ACOT8: variants seen among roughly 807,000 people sequenced by gnomAD.
ACOT8 encodes the protein acyl-coenzyme A thioesterase 8.
ACOT8 carries 31 observed loss-of-function variants against 38.4 expected under a neutral mutation model. That is an observed-to-expected ratio of 0.81 (90% CI 0.61 to 1.09). The LOEUF is 1.09. Among genes scored for constraint, ACOT8 ranks in the 50% least tolerant of loss-of-function variants. The probability of loss-of-function intolerance (pLI) is 0.00; values close to 1 mark genes in which losing one functional copy is unlikely to be tolerated. For synonymous variants in ACOT8, 158 were observed against 170.3 expected, an observed-to-expected ratio of 0.93 and a Z score of 0.56; for missense variants, 373 against 421.8, an observed-to-expected ratio of 0.88 and a Z score of 1.01.
rs879163451 is a variant in ACOT8 at position 45,855,373 on chromosome 20, T to C, written c.129-81A>G. ...CCCTCACTAAGACTCTAATGCATGA[T>C]CTCTTCACCATATTGGGGTTTAAGA... On this transcript the variant is annotated intron_variant, in intron 1 of 5. Transcript: ENST00000217455. 222 of 1,539,666 alleles carry C rather than the reference T, an allele frequency of 1.4e-4. 1 individual carries two copies. In the South Asian group the frequency reaches 2.2e-3, roughly 15 times the overall value.
At chr20:45,843,308 G>A (rs1984393467) in intron 5 of ACOT8, 4 of 747,910 alleles carry the variant, frequency 5.3e-6, no homozygotes, top group Non-Finnish European at 6.9e-6. Flanking sequence ...CTGGGAGAAG[G>A]TGAATCACAT....
At chr20:45,842,680 T>C (rs899257838) in intron 5 of ACOT8, 1 of 989,268 alleles carries the variant, frequency 1.0e-6, no homozygotes. Flanking sequence ...AGTAGCCAAA[T>C]GAAGCAGTTA....
At chr20:45,848,321 C>T in intron 3 of ACOT8, 129 bp downstream of exon 3, 1 of 856,626 alleles carries the variant, frequency 1.2e-6, no homozygotes. Context: ...ATATTATTCA[C>T]TCCAGTATCT....
intron 2 of ACOT8, 74 bp downstream of exon 2, chr20:45,855,085 G>T: frequency 6.3e-7 from 1 of 1,578,864 alleles, no homozygotes; most frequent in South Asian, 1.2e-5. Context: ...CTTCCCTTTT[G>T]ACCTCAGCCC....
intron 2 of ACOT8, chr20:45,853,822 C>T (rs958180774): frequency 2.4e-5 from 22 of 901,008 alleles, no homozygotes; most frequent in Admixed American, 2.1e-4. Flanking sequence ...GTAAGAGACA[C>T]GGGACAGTAT....
At chr20:45,851,933 A>G (rs1286703650) in intron 2 of ACOT8, among the ~76,000 whole-genome samples, 1 of 152,190 alleles carries the variant, frequency 6.6e-6, no homozygotes, top group Non-Finnish European at 1.5e-5. Flanking sequence ...GCCAAGGACC[A>G]ACCCTCCCCC....
In ACOT8 at chr20:45,844,344, G is replaced by C. The variant is rs1320831600; in HGVS notation, c.565C>G (p.Pro189Ala). 2.5e-6 allele frequency: 4 copies of C among 1,614,210 alleles called. No individual in the cohort carries two copies. In the East Asian group the frequency reaches 6.7e-5, roughly 27 times the overall value. Residue 189 changes from proline to alanine, a missense_variant, in exon 4 of 6, where the codon CCA becomes GCA. Transcript: ENST00000217455. ...AAQEVPIEIK[P>A]VNPSPLSQLQ... ...TGGCTCAGGGGGGATGGGTTTACTG[G>C]CTTGATCTCAATGGGGACCTCCTGA...
intron 2 of ACOT8, chr20:45,853,440 A>C (rs1985190396): frequency 6.5e-6 from 1 of 154,136 alleles, no homozygotes; most frequent in Admixed American, 6.5e-5. Flanking sequence ...TGCAAATTTT[A>C]ATTATTCCCA....
intron 5 of ACOT8, 182 bp downstream of exon 5, chr20:45,843,345 C>G (rs1220279311): frequency 2.4e-6 from 2 of 846,414 alleles, no homozygotes; most frequent in Admixed American, 4.0e-5. Context: ...AAATTTAGAG[C>G]AGAGCAGGTG....
At position 45,841,883 on chromosome 20, in the gene ACOT8, C is replaced by T; in HGVS notation, c.915G>A (p.Glu305=). Residue 305 remains glutamate (E), a synonymous_variant, in exon 6 of 6, where the codon GAG becomes GAA. Coordinates refer to ENST00000217455, the MANE Select transcript of ACOT8 (RefSeq NM_005469.4). ...CCTGGGGCTTCACTCGGATCACGCC[C>T]TCCTGGGCACAGGTCACAGCTAGGA... The part of the protein sequence containing the change: ...DGVLAVTCAQ[E]GVIRVKPQVS... 6.2e-7 allele frequency: 1 copy of T among 1,611,178 alleles called. No individual in the cohort carries two copies. The highest frequency in any genetic ancestry group is 8.5e-7 in the Non-Finnish European group (1 of 1,179,312).
At chr20:45,856,360 GAGAAGCCTTGGAGGTCAAAGCTGTT>G (rs1210168826) in intron 1 of ACOT8, among the ~76,000 whole-genome samples, 37 of 152,316 alleles carry the variant, frequency 2.4e-4, no homozygotes, top group Admixed American at 2.2e-3. Flanking sequence ...GTAAAGCCAG[GAGAAGCCTTGGAGGTCAAAGCTGTT>G]AGAAGCCTTG....
At chr20:45,855,024 C>T in intron 2 of ACOT8, 135 bp downstream of exon 2, 2 of 1,265,256 alleles carry the variant, frequency 1.6e-6, no homozygotes, top group Non-Finnish European at 2.2e-6. Context: ...CTAGACACCT[C>T]TTAGGGTGGT....
intron 5 of ACOT8, chr20:45,843,074 GGACCTTATCCAA>G: frequency 8.6e-7 from 1 of 1,157,086 alleles, no homozygotes; most frequent in Non-Finnish European, 1.1e-6. Flanking sequence ...ACAGTTTCCT[GGACCTTATCCAA>G]GACCTACTGA....
intron 3 of ACOT8, among the ~76,000 whole-genome samples, chr20:45,846,314 T>C (rs34685435): frequency 0.031 from 4,654 of 152,336 alleles, 201 homozygotes; most frequent in Admixed American, 0.13. Flanking sequence ...GTGATATAAC[T>C]ACAATTCACT....
intron 3 of ACOT8, among the ~76,000 whole-genome samples, chr20:45,846,229 A>G (rs1984677153): frequency 6.6e-6 from 1 of 152,190 alleles, no homozygotes; most frequent in Admixed American, 6.5e-5. Flanking sequence ...TCCTTTAACA[A>G]TGTCTTCCTT....
chr20:45,848,370 C>G (rs577608363), intron 3 of ACOT8, 80 bp downstream of exon 3: 76 of 1,240,846 alleles, frequency 6.1e-5, no homozygotes, highest in Non-Finnish European at 8.3e-5. Flanking sequence ...TGGTCAAGAC[C>G]CACTAAAGGA....
At chr20:45,853,232 G>T (rs6124749) in intron 2 of ACOT8, among the ~76,000 whole-genome samples, 1 of 152,042 alleles carries the variant, frequency 6.6e-6, no homozygotes, top group Non-Finnish European at 1.5e-5. Context: ...AAGCAAAGAA[G>T]CAGGAAAGAG....
intron 2 of ACOT8, among the ~76,000 whole-genome samples, chr20:45,854,864 G>A (rs1446752063): frequency 1.3e-5 from 2 of 152,174 alleles, no homozygotes; most frequent in African/African-American, 2.4e-5. Flanking sequence ...TCCGCACCAG[G>A]AGCTATGTTA....
At chr20:45,843,785 A>G (rs766256775) in intron 4 of ACOT8, 64 bp from the exon 5 acceptor site, 3 of 1,580,144 alleles carry the variant, frequency 1.9e-6, no homozygotes, top group African/African-American at 1.3e-5. Context: ...GCACGGAGGT[A>G]GGGGGAAAAG....
Sources: allele counts gnomAD v4.1 joint callset (sites outside exome capture counted in the v4.1 genomes callset), GRCh38; gene constraint gnomAD v4.1.1; transcripts MANE v1.5; gene names NCBI Gene and HGNC (gene_info 2026-07-23, HGNC 2026-07-21).